The following SLC9A3 variants were observed in gnomAD, a reference collection of about 807,000 sequenced individuals.
SLC9A3 encodes solute carrier family 9 member A3, also known as sodium/hydrogen exchanger 3.
Under a neutral mutation model 86.8 loss-of-function variants are expected in SLC9A3, and 37 were observed. The ratio of observed to expected loss-of-function variants is 0.43; its 90% confidence interval spans 0.33 to 0.56. The LOEUF is 0.56. Ranked by LOEUF, SLC9A3 falls within the 20% of genes least tolerant of loss-of-function variation. The pLI, the probability that SLC9A3 is intolerant of heterozygous loss-of-function variation, is 0.06. For synonymous variants in SLC9A3, 581 were observed against 528.3 expected, an observed-to-expected ratio of 1.10 and a Z score of -1.37; for missense variants, 1,011 against 1,171.9, an observed-to-expected ratio of 0.86 and a Z score of 2.00.
intron 1 of SLC9A3, among the ~76,000 whole-genome samples, chr5:501,720 C>T (rs1740286288): frequency 1.3e-5 from 2 of 152,242 alleles, no homozygotes; most frequent in African/African-American, 4.8e-5. Context: ...ATCACTTTAC[C>T]CGCCTGTGGG....
intron 1 of SLC9A3, among the ~76,000 whole-genome samples, chr5:507,139 TAAG>T (rs1740621380): frequency 6.9e-6 from 1 of 144,688 alleles, no homozygotes; most frequent in African/African-American, 2.5e-5. Context: ...TTGGGTCAGG[TAAG>T]AAGGAGGGAT....
At chr5:520,212 C>A (rs1176388452) in intron 1 of SLC9A3, among the ~76,000 whole-genome samples, 4 of 152,190 alleles carry the variant, frequency 2.6e-5, no homozygotes, top group African/African-American at 7.2e-5. Context: ...TGTGCGTCCA[C>A]GACCCAAGGG....
At chr5:482,211 G>A in intron 7 of SLC9A3, 54 bp from the exon 8 acceptor site, 1 of 1,371,674 alleles carries the variant, frequency 7.3e-7, no homozygotes, top group Middle Eastern at 1.8e-4. Flanking sequence ...ACATCCCGCT[G>A]GCCCGGCCAG....
rs1259897957 is a variant in SLC9A3, at chr5:479,829, C to G, written c.1647+7G>C. 2 of 1,613,040 alleles carry G rather than the reference C, an allele frequency of 1.2e-6. No homozygotes were observed. The highest frequency in any genetic ancestry group is 1.1e-5 in the South Asian group (1 of 91,072). ...CCCCGACCCGGCAGAGCAAGCGGCT[C>G]TGCTACCTCAGCCACGTAGCTGATG... On this transcript the variant is annotated splice_region_variant and intron_variant, in intron 10 of 16. Transcript: ENST00000264938.
Position 477,325 on chromosome 5 carries a change from C to G in SLC9A3, c.1760+7G>C. On this transcript the variant is annotated splice_region_variant and intron_variant, in intron 11 of 16. Coordinates refer to ENST00000264938, the MANE Select transcript of SLC9A3 (RefSeq NM_004174.4). ...CCCAGGGAAGCTGCATGACCATGGC[C>G]ACATACAGGAGGTAGGAGACAGAGG... is the stretch of plus-strand genomic sequence containing the variant. 6.3e-7 allele frequency: 1 copy of G among 1,579,328 alleles called. No homozygotes were observed. The highest frequency in any genetic ancestry group is 1.3e-5 in the African/African-American group (1 of 74,108).
intron 1 of SLC9A3, among the ~76,000 whole-genome samples, chr5:508,695 T>C (rs1188174702): frequency 1.3e-5 from 2 of 152,156 alleles, no homozygotes; most frequent in Non-Finnish European, 2.9e-5. Context: ...GACGCAGGCC[T>C]CAGCATCACC....
intron 1 of SLC9A3, among the ~76,000 whole-genome samples, chr5:520,495 AG>A (rs777039308): frequency 6.0e-4 from 91 of 152,046 alleles, no homozygotes; most frequent in Non-Finnish European, 1.2e-3. Context: ...TGCTTCAAGG[AG>A]GCCCTGCTGT....
At chr5:508,123 G>A (rs1158220950) in intron 1 of SLC9A3, among the ~76,000 whole-genome samples, 1 of 152,266 alleles carries the variant, frequency 6.6e-6, no homozygotes, top group African/African-American at 2.4e-5. Flanking sequence ...GTGCTCAGGC[G>A]CGGAGCCCAG....
chr5:472,903 C>A lies in SLC9A3; in HGVS notation c.*476G>T. The A allele has an allele frequency of 1.9e-6, 1 of 530,282 alleles. No homozygotes were observed. Among genetic ancestry groups the A allele is most frequent in the South Asian group, 1.8e-5 (1 of 54,998 alleles). 32.8% of individuals were successfully genotyped at this position (530,282 alleles called of 1,614,324 possible). A position where few individuals can be genotyped will look rare whatever the true frequency, so the allele number is the denominator to read the frequency against. On this transcript the variant is annotated 3_prime_UTR_variant, in exon 17 of 17. Coordinates refer to ENST00000264938, the MANE Select transcript of SLC9A3 (RefSeq NM_004174.4). ...TTTGGGGCGAGCCTCGGTTTCCCGG[C>A]AGCGGTGGGAAAGGGCGCGAGCGGC...
intron 15 of SLC9A3, 21 bp from the exon 16 acceptor site, chr5:475,153 T>C (rs1738638219): frequency 2.6e-6 from 4 of 1,552,256 alleles, no homozygotes; most frequent in African/African-American, 2.7e-5. Flanking sequence ...GGGCAGCGGC[T>C]AGTCAGCCTT....
At chr5:493,276 A>G (rs1368315526) in intron 1 of SLC9A3, among the ~76,000 whole-genome samples, 1 of 152,248 alleles carries the variant, frequency 6.6e-6, no homozygotes, top group Non-Finnish European at 1.5e-5. Context: ...TTGAAATTCA[A>G]AGGAAAGTTG....
At chr5:513,150 G>C (rs1237415703) in intron 1 of SLC9A3, among the ~76,000 whole-genome samples, 2 of 152,094 alleles carry the variant, frequency 1.3e-5, no homozygotes, top group African/African-American at 2.4e-5. Flanking sequence ...GTGTGGGCTG[G>C]GACCACTGAG....
chr5:490,583 A>T (rs1303686294), intron 2 of SLC9A3, among the ~76,000 whole-genome samples: 2 of 152,114 alleles, frequency 1.3e-5, no homozygotes, highest in Non-Finnish European at 2.9e-5. Flanking sequence ...GACTGATCAC[A>T]GGCTACTCCA....
chr5:472,105 T>A lies in SLC9A3; in HGVS notation c.*1274A>T. On this transcript the variant is annotated 3_prime_UTR_variant, in exon 17 of 17. Transcript: ENST00000264938. ...GTTGGACCCTGTGGGACTTGCCGTC[T>A]GAGGGATGGATGGACTCCGAGCACC... The A allele has an allele frequency of 2.4e-6, 1 of 420,686 alleles. No homozygotes were observed. Among genetic ancestry groups the A allele is most frequent in the Middle Eastern group, 3.6e-4 (1 of 2,770 alleles). The allele number at this position is 420,686 out of a possible 1,614,324, so 26.1% of individuals were successfully genotyped here. A position where few individuals can be genotyped will look rare whatever the true frequency, so the allele number is the denominator to read the frequency against.
rs990357178 is a variant in SLC9A3, at chr5:482,486, C to T, written c.1356+62G>A. 123 of 1,369,742 alleles carry T rather than the reference C, an allele frequency of 9.0e-5. No homozygotes were observed. The Admixed American group carries it at 1.1e-3, about 12-fold the overall frequency. 84.8% of individuals were successfully genotyped at this position (1,369,742 alleles called of 1,614,324 possible). On this transcript the variant is annotated intron_variant, in intron 7 of 16. Transcript: ENST00000264938. ...GCCTGGAAATGCTTGTCCTGAAGTG[C>T]GGGCCCAGGCTCCCCTCGCGGGCGG...
At chr5:505,808 G>A (rs1204314942) in intron 1 of SLC9A3, among the ~76,000 whole-genome samples, 1 of 136,240 alleles carries the variant, frequency 7.3e-6, no homozygotes, top group Admixed American at 7.2e-5. Context: ...TGACCATGTG[G>A]GGGGAGAGTG....
rs1000635960 is a variant in SLC9A3 at position 470,636 on chromosome 5, G to A, written c.*2743C>T. 1.3e-5 allele frequency: 2 copies of A among 152,248 alleles called. No individual in the cohort carries two copies. The highest frequency in any genetic ancestry group is 1.3e-4 in the Admixed American group (2 of 15,268). The allele number at this position is 152,248 out of a possible 1,614,324, so 9.4% of individuals were successfully genotyped here. ...CTTAAGGCACGTCATTTTGTGATTA[G>A]AATTACACGAAATTTGATTAATATT... On this transcript the variant is annotated 3_prime_UTR_variant, in exon 17 of 17. Transcript: ENST00000264938.
At chr5:506,828 G>A (rs1465740601) in intron 1 of SLC9A3, among the ~76,000 whole-genome samples, 3 of 151,922 alleles carry the variant, frequency 2.0e-5, no homozygotes, top group African/African-American at 4.8e-5. Context: ...AGCACTTTGG[G>A]AGGCCAAGGT....
At chr5:516,707 G>A (rs908091735) in intron 1 of SLC9A3, among the ~76,000 whole-genome samples, 5 of 152,216 alleles carry the variant, frequency 3.3e-5, no homozygotes, top group Admixed American at 2.0e-4. Context: ...AGCTCTGTGT[G>A]GGGCAGATGG....
Sources: allele counts gnomAD v4.1 joint callset (sites outside exome capture counted in the v4.1 genomes callset), GRCh38; gene constraint gnomAD v4.1.1; transcripts MANE v1.5; gene names NCBI Gene and HGNC (gene_info 2026-07-23, HGNC 2026-07-21).